HDDC2: variants seen among roughly 807,000 people sequenced by gnomAD.
The protein encoded by HDDC2 is HD domain containing 2.
A neutral mutation model predicts 25.5 loss-of-function variants in HDDC2; 25 were observed. That is an observed-to-expected ratio of 0.98 (90% confidence interval 0.72 to 1.37). The LOEUF (loss-of-function observed/expected upper bound fraction) is 1.37. HDDC2 is among the 40% of genes most tolerant of loss of function. The probability of loss-of-function intolerance (pLI) is 0.00; values close to 1 mark genes in which losing one functional copy is unlikely to be tolerated. For synonymous variants in HDDC2, 106 were observed against 89.7 expected, an observed-to-expected ratio of 1.18 and a Z score of -1.03; for missense variants, 264 against 253.1, an observed-to-expected ratio of 1.04 and a Z score of -0.29.
At chr6:125,291,535 A>G (rs1010837874) in intron 4 of HDDC2, among the ~76,000 whole-genome samples, 1 of 152,166 alleles carries the variant, frequency 6.6e-6, no homozygotes, top group Non-Finnish European at 1.5e-5. Context: ...TGAGGACTCT[A>G]AATAGCCTGA....
rs751141133 is a variant in HDDC2, at chr6:125,298,793, T to C, written c.230A>G (p.His77Arg). 6.2e-7 allele frequency: 1 copy of C among 1,614,062 alleles called. No homozygotes were observed. Among genetic ancestry groups the C allele is most frequent in the South Asian group, 1.1e-5 (1 of 91,076 alleles). The part of the protein sequence containing the change: ...KDRCVRLALV[H>R]DMAECIVGDI... Reference sequence around the variant, plus strand: ...CCCAACGATGCATTCTGCCATATCATGAACCAGGGCTAGGCGTACACATCT... The same window carrying C: ...CCCAACGATGCATTCTGCCATATCACGAACCAGGGCTAGGCGTACACATCT... Residue 77 changes from histidine (H) to arginine (R), a missense_variant, in exon 3 of 6, where the codon CAT becomes CGT. By Grantham distance (29) the His-to-Arg change is conservative. Coordinates refer to ENST00000398153, the MANE Select transcript of HDDC2 (RefSeq NM_016063.3).
At chr6:125,290,556 G>A (rs1798615633) in intron 4 of HDDC2, among the ~76,000 whole-genome samples, 1 of 152,188 alleles carries the variant, frequency 6.6e-6, no homozygotes, top group Non-Finnish European at 1.5e-5. Flanking sequence ...CTCGACAGAA[G>A]TGATCAAGTT....
At chr6:125,276,353 C>A in intron 5 of HDDC2, 110 bp from the exon 6 acceptor site, 1 of 770,372 alleles carries the variant, frequency 1.3e-6, no homozygotes. Context: ...TACGATCTGA[C>A]CCACACTTCA....
chr6:125,293,227 C>G, intron 3 of HDDC2: 1 of 417,242 alleles, frequency 2.4e-6, no homozygotes. Flanking sequence ...GATTTTACAT[C>G]TGTGGATAAA....
intron 4 of HDDC2, among the ~76,000 whole-genome samples, chr6:125,291,954 G>T (rs1798637863): frequency 6.6e-6 from 1 of 152,154 alleles, no homozygotes; most frequent in Admixed American, 6.5e-5. Flanking sequence ...GGGACAACCT[G>T]ACCCAGCACA....
intron 4 of HDDC2, among the ~76,000 whole-genome samples, chr6:125,284,435 A>C (rs918078075): frequency 6.6e-6 from 1 of 152,238 alleles, no homozygotes; most frequent in Non-Finnish European, 1.5e-5. Flanking sequence ...GCTAATATCC[A>C]GAATCTACCA....
intron 2 of HDDC2, among the ~76,000 whole-genome samples, chr6:125,299,332 G>A (rs1798760088): frequency 6.6e-6 from 1 of 152,148 alleles, no homozygotes; most frequent in Admixed American, 6.5e-5. Flanking sequence ...GTAGTTGGCT[G>A]ACACTGCACC....
At chr6:125,290,400 C>T (rs144082482) in intron 4 of HDDC2, among the ~76,000 whole-genome samples, 195 of 152,302 alleles carry the variant, frequency 1.3e-3, no homozygotes, top group African/African-American at 4.3e-3. Flanking sequence ...AAGTCTGAAA[C>T]TTATGTACCA....
chr6:125,285,971 G>A (rs1024403613), intron 4 of HDDC2, among the ~76,000 whole-genome samples: 3 of 152,004 alleles, frequency 2.0e-5, no homozygotes, highest in Admixed American at 6.6e-5. Flanking sequence ...TAAGGATCCC[G>A]GGACCTTAAA....
At chr6:125,281,457 T>C (rs987690927) in intron 4 of HDDC2, among the ~76,000 whole-genome samples, 1 of 152,156 alleles carries the variant, frequency 6.6e-6, no homozygotes, top group Non-Finnish European at 1.5e-5. Context: ...GCTAAGAATC[T>C]TGATAAAAGG....
intron 4 of HDDC2, 111 bp downstream of exon 4, chr6:125,292,730 C>T (rs1016892051): frequency 4.9e-6 from 4 of 812,232 alleles, no homozygotes; most frequent in Middle Eastern, 3.6e-4. Flanking sequence ...ACAAACCAGA[C>T]AGTAATAAGT....
At chr6:125,296,545 T>C (rs1798708273) in intron 3 of HDDC2, among the ~76,000 whole-genome samples, 1 of 152,192 alleles carries the variant, frequency 6.6e-6, no homozygotes, top group Non-Finnish European at 1.5e-5. Flanking sequence ...CTCCCTGATT[T>C]TCTTCTCTCT....
chr6:125,275,861 T>A lies in HDDC2; in HGVS notation c.*285A>T. ...TAAGTCAGAATAAGATGATTTTAAA[T>A]CTCCAATAAATATTCTAATATTTTA... On this transcript the variant is annotated 3_prime_UTR_variant, in exon 6 of 6. Coordinates refer to ENST00000398153, the MANE Select transcript of HDDC2 (RefSeq NM_016063.3). 3 of 342,194 alleles carry A rather than the reference T, an allele frequency of 8.8e-6. No individual in the cohort carries two copies. The highest frequency in any genetic ancestry group is 1.6e-5 in the Non-Finnish European group (3 of 190,930). 21.2% of individuals were successfully genotyped at this position (342,194 alleles called of 1,614,324 possible).
intron 4 of HDDC2, among the ~76,000 whole-genome samples, chr6:125,289,888 G>A (rs1798605458): frequency 6.6e-6 from 1 of 152,178 alleles, no homozygotes; most frequent in East Asian, 1.9e-4. Context: ...ATTTCTTTAA[G>A]GCAAAATGCA....
At chr6:125,277,441 T>C in intron 4 of HDDC2, 1 of 503,318 alleles carries the variant, frequency 2.0e-6, no homozygotes, top group Admixed American at 3.6e-5. Context: ...ACAAGAAAGA[T>C]GTGCTCTCCA....
rs1798378168 is a variant in HDDC2 at position 125,276,881 on chromosome 6, G to A, written c.517+221C>T. 4 of 540,340 alleles carry A rather than the reference G, an allele frequency of 7.4e-6. No homozygotes were observed. The South Asian group carries it at 7.5e-5, about 10-fold the overall frequency. The allele number at this position is 540,340 out of a possible 1,614,324, so 33.5% of individuals were successfully genotyped here. A position where few individuals can be genotyped will look rare whatever the true frequency, so the allele number is the denominator to read the frequency against. ...CTTCTCTCACCGTCTTTTCTTGCCT[G>A]TGTCTGTTGTTGCTTACTGTTCATT... On this transcript the variant is annotated intron_variant, in intron 5 of 5. Coordinates refer to ENST00000398153, the MANE Select transcript of HDDC2 (RefSeq NM_016063.3).
At chr6:125,277,924 T>TCCC (rs1385034002) in intron 4 of HDDC2, 2 of 152,182 alleles carry the variant, frequency 1.3e-5, no homozygotes, top group Admixed American at 1.3e-4. Context: ...CAGTGCAGAC[T>TCCC]TGGAACAAGA....
At position 125,275,980 on chromosome 6, in the gene HDDC2, C is replaced by T. The variant is rs755588416; in HGVS notation, c.*166G>A. 13 of 613,228 alleles carry T rather than the reference C, an allele frequency of 2.1e-5. No individual in the cohort carries two copies. Among genetic ancestry groups the T allele is most frequent in the African/African-American group, 3.7e-5 (2 of 54,006 alleles). The allele number at this position is 613,228 out of a possible 1,614,324, so 38.0% of individuals were successfully genotyped here. ...TTCATGACCGCTTCCTGTTCTGTGG[C>T]TTCTTTTAGTGCCCAAGTTGTATCA... On this transcript the variant is annotated 3_prime_UTR_variant, in exon 6 of 6. Coordinates refer to ENST00000398153, the MANE Select transcript of HDDC2 (RefSeq NM_016063.3).
At chr6:125,280,989 C>A (rs539225653) in intron 4 of HDDC2, among the ~76,000 whole-genome samples, 3 of 152,308 alleles carry the variant, frequency 2.0e-5, no homozygotes, top group East Asian at 1.9e-4. Context: ...CCCTCTGGGA[C>A]GAAGCTTCTA....
Sources: allele counts gnomAD v4.1 joint callset (sites outside exome capture counted in the v4.1 genomes callset), GRCh38; gene constraint gnomAD v4.1.1; transcripts MANE v1.5; gene names NCBI Gene and HGNC (gene_info 2026-07-23, HGNC 2026-07-21).